Variants in C20orf173 observed in about 807,000 individuals in gnomAD.
C20orf173 encodes the protein chromosome 20 open reading frame 173.
Under a neutral mutation model 26.7 loss-of-function variants are expected in C20orf173, and 22 were observed. That is an observed-to-expected ratio of 0.82 (90% CI 0.59 to 1.18). C20orf173 has a LOEUF of 1.18. Among genes scored for constraint, C20orf173 ranks in the 50% most tolerant of loss-of-function variants. The pLI, the probability that C20orf173 is intolerant of heterozygous loss-of-function variation, is 0.00. For synonymous variants in C20orf173, 85 were observed against 96.4 expected (o/e 0.88, Z 0.69); for missense variants, 210 against 250.3 (o/e 0.84, Z 1.09).
chr20:35,528,766 C>T lies in C20orf173; in HGVS notation c.423G>A (p.Gly141=), dbSNP rs2064525883. 4 of 1,549,586 alleles carry T rather than the reference C, an allele frequency of 2.6e-6. No individual in the cohort carries two copies. Among genetic ancestry groups the T allele is most frequent in the Non-Finnish European group, 3.5e-6 (4 of 1,146,278 alleles). Residue 141 remains glycine (G), a synonymous_variant, in exon 3 of 6, where the codon GGG becomes GGA. Transcript: ENST00000444723. ...DFYCGTCVLL[G]RPQIPQGSSL... ...TGGAGCCCTGCGGGATCTGTGGGCGCCCCAACAGCACACAAGTCCCACAAT... is the reference window on the plus strand; with the variant it reads ...TGGAGCCCTGCGGGATCTGTGGGCGTCCCAACAGCACACAAGTCCCACAAT...
downstream of C20orf173, chr20:35,523,314 T>A (rs1476171007): frequency 6.6e-6 from 1 of 152,116 alleles, no homozygotes; most frequent in Non-Finnish European, 1.5e-5. Flanking sequence ...CTGTATCGAA[T>A]CATGATCTCT....
At position 35,528,833 on chromosome 20, in the gene C20orf173, A is replaced by T. The variant is rs1169262150; in HGVS notation, c.356T>A (p.Phe119Tyr). Residue 119 changes from phenylalanine (F) to tyrosine (Y), a missense_variant, in exon 3 of 6, where the codon TTT becomes TAT. Transcript: ENST00000444723. ...SELGKLWRKL[F>Y]KGIPRLSVSH... ...CACCGAGAGCCTGGGAATCCCTTTA[A>T]ACAGCTTCCTCCACAATTTCCCAAG... The T allele has an allele frequency of 1.0e-5, 16 of 1,551,324 alleles. No individual in the cohort carries two copies. The highest frequency in any genetic ancestry group is 1.1e-5 in the Non-Finnish European group (13 of 1,146,926).
In C20orf173 at chr20:35,529,398, TG is replaced by T; in HGVS notation, c.-26del. 1 of 1,509,690 alleles carries T rather than the reference TG, an allele frequency of 6.6e-7. No individual in the cohort carries two copies. The highest frequency in any genetic ancestry group is 8.9e-7 in the Non-Finnish European group (1 of 1,129,206). The allele number at this position is 1,509,690 out of a possible 1,614,324, so 93.5% of individuals were successfully genotyped here. A position where few individuals can be genotyped will look rare whatever the true frequency, so the allele number is the denominator to read the frequency against. On this transcript the variant is annotated 5_prime_UTR_variant, in exon 2 of 6. Coordinates refer to ENST00000444723, the MANE Select transcript of C20orf173 (RefSeq NM_001145350.2). ...TGTCTGGCCCAGGCGGTGGCTCCCG[TG>T]GTGGGCCGTAGACTGGCTTCTCTAC... is the stretch of plus-strand genomic sequence containing the variant.
downstream of C20orf173, among the ~76,000 whole-genome samples, chr20:35,526,164 C>T (rs547375645): frequency 2.5e-4 from 38 of 152,298 alleles, no homozygotes; most frequent in African/African-American, 8.7e-4. Context: ...AATGGCCCAC[C>T]TGGAATGCCA....
downstream of C20orf173, chr20:35,523,193 C>G (rs1473945252): frequency 6.6e-6 from 1 of 152,570 alleles, no homozygotes; most frequent in East Asian, 1.9e-4. Context: ...GTGGCAGATT[C>G]CTGGGTGTAT....
rs2064531099 is a variant in C20orf173 at position 35,529,127 on chromosome 20, T to G, written c.247A>C (p.Thr83Pro). 6.4e-7 allele frequency: 1 copy of G among 1,551,542 alleles called. No individual in the cohort carries two copies. Among genetic ancestry groups the G allele is most frequent in the African/African-American group, 1.4e-5 (1 of 73,024 alleles). The part of the protein sequence containing the change: ...WNWLDACSRK[T>P]MGYLMRTRES... ...CTTGTCCTCATCAGGTACCCCATAG[T>G]CTTCCTGGAGCACGCATCAAGCCAG... The change falls in exon 2 of 6, where the codon ACT becomes CCT. Residue 83 changes from threonine to proline, a missense_variant. Thr to Pro is a conservative substitution (Grantham distance 38, BLOSUM62 -1). Transcript: ENST00000444723.
Position 35,529,091 on chromosome 20 carries a change from T to A in C20orf173, c.283A>T (p.Thr95Ser). Residue 95 changes from threonine (T) to serine (S), a missense_variant, in exon 2 of 6, where the codon ACC becomes TCC. By Grantham distance (58) the Thr-to-Ser change is moderately conservative (BLOSUM62 1). Transcript: ENST00000444723. ...AACCACCAGAGCACAGTGTCAGAGG[T>A]CATAGACTCTCTTGTCCTCATCAGG... ...GYLMRTRESM[T>S]SDTVLWWLGM... 6.4e-7 allele frequency: 1 copy of A among 1,551,290 alleles called. No individual in the cohort carries two copies. Among genetic ancestry groups the A allele is most frequent in the African/African-American group, 1.4e-5 (1 of 73,014 alleles).
At chr20:35,528,156 G>A (rs746104979) in intron 5 of C20orf173, 77 bp downstream of exon 5, 28 of 1,269,032 alleles carry the variant, frequency 2.2e-5, no homozygotes, top group South Asian at 6.4e-5. Flanking sequence ...TGGGGAGGAA[G>A]GGGGAGGGAA....
chr20:35,525,544 C>G (rs2064498134), downstream of C20orf173, among the ~76,000 whole-genome samples: 1 of 151,904 alleles, frequency 6.6e-6, no homozygotes, highest in Non-Finnish European at 1.5e-5. Context: ...AAGAGCAAGA[C>G]TCCATCTCAA....
chr20:35,523,704 G>C (rs897741528), downstream of C20orf173, among the ~76,000 whole-genome samples: 4 of 152,216 alleles, frequency 2.6e-5, no homozygotes, highest in Admixed American at 2.6e-4. Flanking sequence ...TTGGCATTCA[G>C]CCCAGTGCCC....
Position 35,528,242 on chromosome 20 carries a change from GC to G in C20orf173, c.*15del. The G allele has an allele frequency of 6.4e-7, 1 of 1,551,904 alleles. No homozygotes were observed. ...TCCTATTCCCCCTCACCGTGTCTTT[GC>G]TATCTTCCACTCCACTAGGGAACCA... On this transcript the variant is annotated 3_prime_UTR_variant, in exon 5 of 6. Coordinates refer to ENST00000444723, the MANE Select transcript of C20orf173 (RefSeq NM_001145350.2).
chr20:35,528,405 C>G, intron 4 of C20orf173, 46 bp downstream of exon 4: 1 of 1,547,540 alleles, frequency 6.5e-7, no homozygotes, highest in Non-Finnish European at 8.7e-7. Flanking sequence ...CTGCAGTGAC[C>G]TCCCCTCACC....
downstream of C20orf173, among the ~76,000 whole-genome samples, chr20:35,523,613 C>A (rs1214223081): frequency 6.6e-6 from 1 of 152,224 alleles, no homozygotes; most frequent in Non-Finnish European, 1.5e-5. Context: ...CTAATGGGGT[C>A]TTCTGTGCCA....
chr20:35,528,718 T>C lies in C20orf173; in HGVS notation c.471A>G (p.Gln157=), dbSNP rs1165459663. 2 of 1,536,154 alleles carry C rather than the reference T, an allele frequency of 1.3e-6. No homozygotes were observed. Among genetic ancestry groups the C allele is most frequent in the Non-Finnish European group, 8.8e-7 (1 of 1,139,314 alleles). ...GCACCCACCTGAAAACCACGGGGTA[T>C]TGGTCGATGTCGTTGCCAAGGCTGG... ...QGSSLGNDID[Q]YPVVFRNASD... is the part of the protein sequence containing the mutation. Residue 157 remains glutamine (Q), a synonymous_variant, in exon 3 of 6, where the codon CAA becomes CAG. Transcript: ENST00000444723.
chr20:35,523,138 G>A (rs1353743801), downstream of C20orf173: 1 of 152,876 alleles, frequency 6.5e-6, no homozygotes, highest in Non-Finnish European at 1.5e-5. Context: ...AGCATGTGTG[G>A]ACCTCAGATG....
downstream of C20orf173, among the ~76,000 whole-genome samples, chr20:35,521,686 G>A (rs1164044007): frequency 1.3e-5 from 2 of 150,900 alleles, no homozygotes; most frequent in Admixed American, 1.3e-4. Context: ...TTGGCTCACC[G>A]CAACCTCCGC....
Position 35,529,442 on chromosome 20 carries a change from T to C in C20orf173, c.-51-18A>G, listed in dbSNP as rs1357261978. The stretch of plus-strand genomic sequence containing the variant: ...TTCTCTACCTGTAAGGATGAGGGGC[T>C]GAGGCCACAGACAGCACCAGCTTCC... On this transcript the variant is annotated intron_variant, in intron 1 of 5. Transcript: ENST00000444723. 4 of 1,409,478 alleles carry C rather than the reference T, an allele frequency of 2.8e-6. No homozygotes were observed. The highest frequency in any genetic ancestry group is 3.8e-6 in the Non-Finnish European group (4 of 1,058,524). 87.3% of individuals were successfully genotyped at this position (1,409,478 alleles called of 1,614,324 possible). A position where few individuals can be genotyped will look rare whatever the true frequency, so the allele number is the denominator to read the frequency against.
At chr20:35,524,203 C>T (rs116606376), downstream of C20orf173, among the ~76,000 whole-genome samples, 2,049 of 151,712 alleles carry the variant, frequency 0.014, 53 homozygotes, top group African/African-American at 0.047. Flanking sequence ...TTACTTTTAG[C>T]AGAGACGGGG....
At chr20:35,521,379 T>C (rs932901455), downstream of C20orf173, among the ~76,000 whole-genome samples, 2 of 152,040 alleles carry the variant, frequency 1.3e-5, no homozygotes, top group Non-Finnish European at 2.9e-5. Flanking sequence ...TTCTTCATTA[T>C]ATATTGAGAG....
Sources: allele counts gnomAD v4.1 joint callset (sites outside exome capture counted in the v4.1 genomes callset), GRCh38; gene constraint gnomAD v4.1.1; transcripts MANE v1.5; gene names NCBI Gene and HGNC (gene_info 2026-07-23, HGNC 2026-07-21).